Variants in EFCAB6 observed in about 807,000 individuals in gnomAD.
EFCAB6 encodes EF-hand calcium-binding domain-containing protein 6.
EFCAB6 carries 156 observed loss-of-function variants against 169.8 expected under a neutral mutation model. The observed-to-expected ratio is 0.92, with a 90% CI of 0.81 to 1.05. EFCAB6 has a LOEUF of 1.05. EFCAB6 is among the 50% of genes least tolerant of loss of function. The pLI is 0.00. For synonymous variants in EFCAB6, 698 were observed against 676.4 expected (o/e 1.03, Z -0.50); for missense variants, 1,800 against 1,829.1 (o/e 0.98, Z 0.29).
At chr22:43,682,188 C>T (rs2058032529) in intron 12 of EFCAB6, among the ~76,000 whole-genome samples, 2 of 152,164 alleles carry the variant, frequency 1.3e-5, no homozygotes, top group South Asian at 4.1e-4. Flanking sequence ...TGAAACCATG[C>T]ACTATGTAAC....
intron 7 of EFCAB6, among the ~76,000 whole-genome samples, chr22:43,732,213 G>A (rs1178115848): frequency 6.6e-6 from 1 of 152,122 alleles, no homozygotes; most frequent in Non-Finnish European, 1.5e-5. Flanking sequence ...GTAGGGAAAT[G>A]AGTCAGCCAG....
At chr22:43,686,742 T>G (rs953889356) in intron 11 of EFCAB6, among the ~76,000 whole-genome samples, 2 of 152,168 alleles carry the variant, frequency 1.3e-5, no homozygotes, top group African/African-American at 4.8e-5. Flanking sequence ...TGGTATATTT[T>G]ACTTTACAGT....
intron 2 of EFCAB6, among the ~76,000 whole-genome samples, chr22:43,805,654 T>C (rs6006549): frequency 0.47 from 70,864 of 151,912 alleles, 16,992 homozygotes; most frequent in Middle Eastern, 0.61. Flanking sequence ...AAGGTGACTA[T>C]AGATTACAAT....
At position 43,528,815 on chromosome 22, in the gene EFCAB6, C is replaced by A; in HGVS notation, c.*38G>T. ...GATTTTATTAGCCTTGAAACAGGCC[C>A]TGTGGCTGTCGTCCCGCTGGGCACA... On this transcript the variant is annotated 3_prime_UTR_variant, in exon 32 of 32. Transcript: ENST00000262726. 6.4e-7 allele frequency: 1 copy of A among 1,565,580 alleles called. No homozygotes were observed. Among genetic ancestry groups the A allele is most frequent in the South Asian group, 1.1e-5 (1 of 87,196 alleles).
chr22:43,625,162 T>C (rs992772181), intron 20 of EFCAB6, among the ~76,000 whole-genome samples: 1 of 152,114 alleles, frequency 6.6e-6, no homozygotes, highest in African/African-American at 2.4e-5. Flanking sequence ...TCAGAGGGCC[T>C]TCTGCAGCCT....
At chr22:43,714,319 T>A (rs763190675) in intron 9 of EFCAB6, among the ~76,000 whole-genome samples, 14 of 152,026 alleles carry the variant, frequency 9.2e-5, no homozygotes, top group Non-Finnish European at 2.1e-4. Flanking sequence ...TAACAGGGAC[T>A]ACTGTGGAAG....
intron 21 of EFCAB6, among the ~76,000 whole-genome samples, chr22:43,611,511 A>G (rs951583255): frequency 6.6e-6 from 1 of 152,224 alleles, no homozygotes; most frequent in African/African-American, 2.4e-5. Flanking sequence ...TTAAATTCAT[A>G]TGGGACTAGG....
chr22:43,756,949 G>C (rs969967061), intron 5 of EFCAB6, among the ~76,000 whole-genome samples: 3 of 152,204 alleles, frequency 2.0e-5, no homozygotes, highest in African/African-American at 4.8e-5. Flanking sequence ...AGGGAGACCA[G>C]AGCTGGATGG....
intron 28 of EFCAB6, among the ~76,000 whole-genome samples, chr22:43,539,579 C>T (rs1032995980): frequency 6.6e-6 from 1 of 152,160 alleles, no homozygotes; most frequent in Non-Finnish European, 1.5e-5. Context: ...AAAAAAGAGG[C>T]TTGGCAAGCC....
Position 43,534,889 on chromosome 22 carries a change from C to A in EFCAB6, c.4049-17G>T, listed in dbSNP as rs561172867. Reference sequence around the variant, plus strand: ...CCACAAGAGCTACAGAAAAAAATGGCAGTTCAATTGGTGGCGATTCATTCA... The same window carrying A: ...CCACAAGAGCTACAGAAAAAAATGGAAGTTCAATTGGTGGCGATTCATTCA... On this transcript the variant is annotated splice_polypyrimidine_tract_variant and intron_variant, in intron 29 of 31. Transcript: ENST00000262726. 2 of 1,590,566 alleles carry A rather than the reference C, an allele frequency of 1.3e-6. No homozygotes were observed. The highest frequency in any genetic ancestry group is 2.3e-5 in the South Asian group (2 of 85,966).
chr22:43,557,462 G>T (rs1387602312), intron 26 of EFCAB6, among the ~76,000 whole-genome samples: 3 of 152,134 alleles, frequency 2.0e-5, no homozygotes, highest in African/African-American at 7.2e-5. Context: ...AATTAGAAAA[G>T]AAAGTATTTA....
chr22:43,667,141 T>C lies in EFCAB6; in HGVS notation c.1946A>G (p.Glu649Gly). 6.2e-7 allele frequency: 1 copy of C among 1,614,112 alleles called. No homozygotes were observed. The highest frequency in any genetic ancestry group is 8.5e-7 in the Non-Finnish European group (1 of 1,180,008). ...FKKRFLDFSKEPNGKINVHDF... is the reference protein window; with the variant it reads ...FKKRFLDFSKGPNGKINVHDF... ...ATGCACGTTAATTTTTCCATTAGGC[T>C]CCTTGCTGAAGTCAAGAAATCGTTT... Residue 649 changes from glutamate to glycine, a missense_variant, in exon 17 of 32, where the codon GAG becomes GGG. Coordinates refer to ENST00000262726, the MANE Select transcript of EFCAB6 (RefSeq NM_022785.4).
chr22:43,575,581 A>G (rs1333386764), intron 26 of EFCAB6, among the ~76,000 whole-genome samples: 1 of 152,160 alleles, frequency 6.6e-6, no homozygotes, highest in Non-Finnish European at 1.5e-5. Context: ...ATAAGAAAAA[A>G]TAAGTGCAGA....
intron 23 of EFCAB6, among the ~76,000 whole-genome samples, chr22:43,598,233 G>C (rs1289846995): frequency 7.5e-6 from 1 of 133,638 alleles, no homozygotes; most frequent in Non-Finnish European, 1.5e-5. Context: ...CCTGAGCCTG[G>C]AAAGTTGAGG....
intron 8 of EFCAB6, among the ~76,000 whole-genome samples, chr22:43,730,988 CA>C (rs1445255301): frequency 6.6e-6 from 1 of 152,098 alleles, no homozygotes; most frequent in Non-Finnish European, 1.5e-5. Context: ...GCGAGTCATT[CA>C]GGGGCAGTCA....
intron 17 of EFCAB6, among the ~76,000 whole-genome samples, chr22:43,649,891 G>A (rs989050924): frequency 6.6e-6 from 1 of 152,198 alleles, no homozygotes; most frequent in East Asian, 1.9e-4. Flanking sequence ...GGCAGACAGA[G>A]AAGCAAGTAA....
At position 43,687,473 on chromosome 22, in the gene EFCAB6, A is replaced by ATTT; in HGVS notation, c.1137_1139dup (p.Arg379_Asn380insLys). The ATTT allele has an allele frequency of 7.9e-7, 1 of 1,258,598 alleles. No individual in the cohort carries two copies. Among genetic ancestry groups the ATTT allele is most frequent in the Non-Finnish European group, 1.0e-6 (1 of 974,778 alleles). The allele number at this position is 1,258,598 out of a possible 1,614,324, so 78.0% of individuals were successfully genotyped here. On this transcript the variant is annotated inframe_insertion, in exon 11 of 32. Coordinates refer to ENST00000262726, the MANE Select transcript of EFCAB6 (RefSeq NM_022785.4). The stretch of plus-strand genomic sequence containing the variant: ...TTTTTTTTTTTTTTTTTACATACCT[A>ATTT]TTTCTTTTTGTCAGGGGACCTTTAC...
chr22:43,656,588 T>C (rs2056755286), intron 17 of EFCAB6, among the ~76,000 whole-genome samples: 1 of 152,186 alleles, frequency 6.6e-6, no homozygotes, highest in Non-Finnish European at 1.5e-5. Flanking sequence ...TATGTTTAGA[T>C]ACACAAATAC....
intron 17 of EFCAB6, among the ~76,000 whole-genome samples, chr22:43,636,359 C>T (rs908417412): frequency 1.3e-5 from 2 of 152,138 alleles, no homozygotes; most frequent in Admixed American, 6.5e-5. Flanking sequence ...CAGGTAAGGC[C>T]GTGCTGCAGT....
Sources: allele counts gnomAD v4.1 joint callset (sites outside exome capture counted in the v4.1 genomes callset), GRCh38; gene constraint gnomAD v4.1.1; transcripts MANE v1.5; gene names NCBI Gene and HGNC (gene_info 2026-07-23, HGNC 2026-07-21).